Variants in DARS1 observed in about 807,000 individuals in gnomAD.
DARS1 encodes aspartate--tRNA ligase, cytoplasmic.
A neutral mutation model predicts 68.8 loss-of-function variants in DARS1; 51 were observed. That is an observed-to-expected ratio of 0.74 (90% confidence interval 0.59 to 0.94). The LOEUF is 0.94. DARS1 is among the 40% of genes least tolerant of loss of function. The pLI, the probability that DARS1 is intolerant of heterozygous loss-of-function variation, is 0.00. For missense variants in DARS1, 607 were observed against 597.3 expected (o/e 1.02, Z -0.17); for synonymous variants, 203 against 190.4 (o/e 1.07, Z -0.55).
chr2:135,966,580 C>A (rs1682241254), intron 3 of DARS1, among the ~76,000 whole-genome samples: 2 of 152,158 alleles, frequency 1.3e-5, no homozygotes, highest in Non-Finnish European at 2.9e-5. Context: ...GCTCTGTTGT[C>A]CAGGCTGGAG....
chr2:135,918,460 A>T (rs986315742), intron 10 of DARS1, among the ~76,000 whole-genome samples: 1 of 152,196 alleles, frequency 6.6e-6, no homozygotes, highest in Non-Finnish European at 1.5e-5. Context: ...GAGGAACATG[A>T]CACAGGTCAG....
In DARS1 at chr2:135,985,544, T is replaced by A; in HGVS notation, c.-76A>T. The A allele has an allele frequency of 6.2e-7, 1 of 1,607,042 alleles. No individual in the cohort carries two copies. Among genetic ancestry groups the A allele is most frequent in the Non-Finnish European group, 8.5e-7 (1 of 1,177,024 alleles). ...AAGGCAGGCCAAAGGGGCTTCTCCC[T>A]CCCTCCCAGTCTCCGCCCTCCCGAC... On this transcript the variant is annotated 5_prime_UTR_variant, in exon 1 of 16. Transcript: ENST00000264161.
chr2:135,980,612 TTA>T (rs1396975148), intron 2 of DARS1: 1 of 152,166 alleles, frequency 6.6e-6, no homozygotes, highest in African/African-American at 2.4e-5. Flanking sequence ...CCAACAGACT[TTA>T]TGAGTTAAGC....
chr2:135,982,140 C>T lies in DARS1; in HGVS notation c.124+1257G>A, dbSNP rs985986447. 1.9e-3 allele frequency among the ~76,000 whole-genome samples: 284 copies of T among 152,062 alleles called. 6 individuals carry two copies. Among genetic ancestry groups the T allele is most frequent in the Admixed American group, 1.3e-4 (2 of 15,284 alleles). ...AATTACTGCACCAAAGAGTGAGAGACGTAATTTGAAGTGTCTACCAAAAGA... is the reference window on the plus strand; with the variant it reads ...AATTACTGCACCAAAGAGTGAGAGATGTAATTTGAAGTGTCTACCAAAAGA... On this transcript the variant is annotated intron_variant, in intron 2 of 15. Transcript: ENST00000264161.
intron 6 of DARS1, 65 bp from the exon 7 acceptor site, chr2:135,932,907 T>C: frequency 1.3e-6 from 1 of 782,388 alleles, no homozygotes; most frequent in Non-Finnish European, 2.1e-6. Flanking sequence ...GCACAAAAAA[T>C]ACTTTTAGAA....
In DARS1 at chr2:135,907,006, G is replaced by A. The variant is rs533363874; in HGVS notation, c.*310C>T. The A allele has an allele frequency of 9.9e-4, 172 of 172,990 alleles. No homozygotes were observed. Among genetic ancestry groups the A allele is most frequent in the Admixed American group, 1.8e-3 (29 of 16,362 alleles). The allele number at this position is 172,990 out of a possible 1,614,324, so 10.7% of individuals were successfully genotyped here. A position where few individuals can be genotyped will look rare whatever the true frequency, so the allele number is the denominator to read the frequency against. ...ATCTTAACTGTTTAAAACTCTTAAC[G>A]TTTACTGTAGTAACAGAATATGAAT... On this transcript the variant is annotated 3_prime_UTR_variant, in exon 16 of 16. Coordinates refer to ENST00000264161, the MANE Select transcript of DARS1 (RefSeq NM_001349.4).
chr2:135,931,904 CAAT>C (rs1339631609), intron 7 of DARS1, among the ~76,000 whole-genome samples: 2 of 151,958 alleles, frequency 1.3e-5, no homozygotes, highest in Non-Finnish European at 2.9e-5. Flanking sequence ...AGGCACAAAC[CAAT>C]AATAACTTGT....
chr2:135,934,274 A>C (rs1681417075), intron 5 of DARS1, among the ~76,000 whole-genome samples: 1 of 152,226 alleles, frequency 6.6e-6, no homozygotes, highest in South Asian at 2.1e-4. Flanking sequence ...CTACCAATGT[A>C]ATAAGTAATG....
At chr2:135,954,170 T>C (rs1469309160) in intron 4 of DARS1, among the ~76,000 whole-genome samples, 2 of 151,908 alleles carry the variant, frequency 1.3e-5, no homozygotes, top group African/African-American at 4.8e-5. Context: ...GTGGAGGGTT[T>C]TGATCTAACA....
At chr2:135,923,156 C>T (rs1166432460) in intron 8 of DARS1, among the ~76,000 whole-genome samples, 1 of 152,116 alleles carries the variant, frequency 6.6e-6, no homozygotes, top group Non-Finnish European at 1.5e-5. Context: ...GATATATATG[C>T]TCCCTTTCTG....
chr2:135,941,523 G>A (rs1262184245), intron 5 of DARS1, among the ~76,000 whole-genome samples: 2 of 151,806 alleles, frequency 1.3e-5, no homozygotes, highest in East Asian at 3.9e-4. Flanking sequence ...ATGGATTAAA[G>A]ACTTAAACGT....
At chr2:135,962,544 T>C (rs1286503540) in intron 3 of DARS1, among the ~76,000 whole-genome samples, 1 of 152,162 alleles carries the variant, frequency 6.6e-6, no homozygotes, top group East Asian at 1.9e-4. Flanking sequence ...ACTTTCAACA[T>C]ACAGTATTTT....
chr2:135,971,606 GA>G, intron 3 of DARS1, among the ~76,000 whole-genome samples: 1 of 151,854 alleles, frequency 6.6e-6, no homozygotes, highest in Non-Finnish European at 1.5e-5. Context: ...TCAGATAAGA[GA>G]AAAAAATAAA....
chr2:135,908,122 T>C (rs1429635978), intron 15 of DARS1, among the ~76,000 whole-genome samples: 2 of 152,242 alleles, frequency 1.3e-5, no homozygotes, highest in Middle Eastern at 3.2e-3. Flanking sequence ...ATGGTTTATA[T>C]ATAATAGTAT....
intron 4 of DARS1, among the ~76,000 whole-genome samples, chr2:135,945,849 G>C (rs1043173487): frequency 3.3e-5 from 5 of 152,162 alleles, no homozygotes; most frequent in Non-Finnish European, 7.3e-5. Flanking sequence ...CAGACATAGA[G>C]AACAGTTAAT....
chr2:135,927,683 G>A (rs1263364333), intron 7 of DARS1, among the ~76,000 whole-genome samples: 1 of 152,014 alleles, frequency 6.6e-6, no homozygotes, highest in African/African-American at 2.4e-5. Context: ...TGAGGTAGAA[G>A]ATAAACTAAA....
intron 3 of DARS1, among the ~76,000 whole-genome samples, chr2:135,967,779 T>C (rs1682269926): frequency 6.6e-6 from 1 of 152,234 alleles, no homozygotes; most frequent in African/African-American, 2.4e-5. Flanking sequence ...TTTGCTCTAC[T>C]AGAAACTGCC....
At position 135,985,470 on chromosome 2, in the gene DARS1, G is replaced by C. The variant is rs778045356; in HGVS notation, c.-2C>G. 5 of 1,613,906 alleles carry C rather than the reference G, an allele frequency of 3.1e-6. No individual in the cohort carries two copies. The Admixed American group carries it at 5.0e-5, about 16-fold the overall frequency. On this transcript the variant is annotated 5_prime_UTR_variant, in exon 1 of 16. Coordinates refer to ENST00000264161, the MANE Select transcript of DARS1 (RefSeq NM_001349.4). Reference sequence around the variant, plus strand: ...GCGGCTGGCGCTGGCGCTGGGCATCGGGACACGGAACTGGGCAGTGGACAC... The same window carrying C: ...GCGGCTGGCGCTGGCGCTGGGCATCCGGACACGGAACTGGGCAGTGGACAC...
At chr2:135,910,906 A>G (rs1280185531) in intron 15 of DARS1, 5 of 427,458 alleles carry the variant, frequency 1.2e-5, no homozygotes, top group Middle Eastern at 6.8e-4. Context: ...CAGCAGAGAG[A>G]AAACAGGATA....
Sources: gnomAD v4.1 joint callset for allele counts (sites outside exome capture counted in the v4.1 genomes callset) on GRCh38, gnomAD v4.1.1 for gene constraint, MANE v1.5 for transcripts, NCBI Gene and HGNC (gene_info 2026-07-23, HGNC 2026-07-21) for gene names.